Variants in ATP13A4 observed in about 807,000 individuals in gnomAD.
The protein encoded by ATP13A4 is probable cation-transporting ATPase 13A4.
Under a neutral mutation model 142.5 loss-of-function variants are expected in ATP13A4, and 114 were observed. The observed-to-expected ratio is 0.80, with a 90% CI of 0.69 to 0.93. The LOEUF (loss-of-function observed/expected upper bound fraction) is 0.93, where lower values mean the gene tolerates loss of function less well. Among genes scored for constraint, ATP13A4 ranks in the 40% least tolerant of loss-of-function variants. The pLI, the probability that ATP13A4 is intolerant of heterozygous loss-of-function variation, is 0.00. For synonymous variants in ATP13A4, 488 were observed against 514.8 expected, an observed-to-expected ratio of 0.95 and a Z score of 0.70; for missense variants, 1,392 against 1,454.0, an observed-to-expected ratio of 0.96 and a Z score of 0.69.
In ATP13A4 at chr3:193,582,640, AT is replaced by A. The variant is rs1177556388; in HGVS notation, n.92-735del. ...TATATATGTATATTACATACATTAT[AT>A]ATGTATATTACATACATTATATATG... On this transcript the variant is annotated intron_variant and non_coding_transcript_variant, in intron 1 of 3. Coordinates refer to the ATP13A4 transcript ENST00000489140. Among the ~76,000 whole-genome samples, 14 of 86,378 alleles carry A rather than the reference AT, an allele frequency of 1.6e-4. 1 individual carries two copies. The highest frequency in any genetic ancestry group is 6.8e-4 in the African/African-American group (12 of 17,726). The allele number at this position is 86,378 out of a possible 152,430, so 56.7% of individuals were successfully genotyped here.
intron 8 of ATP13A4, among the ~76,000 whole-genome samples, chr3:193,475,524 GAATA>G (rs1206629994): frequency 7.2e-5 from 11 of 151,834 alleles, no homozygotes; most frequent in African/African-American, 2.7e-4. Flanking sequence ...TTAAATGTAA[GAATA>G]AATAAAAACC....
At chr3:193,573,290 C>CTTATATAT in intron 2 of ATP13A4, among the ~76,000 whole-genome samples, 1 of 109,964 alleles carries the variant, frequency 9.1e-6, no homozygotes, top group South Asian at 2.7e-4. Context: ...TATATATATA[C>CTTATATAT]ACATATATAT....
At chr3:193,406,764 T>A (rs1020975952) in intron 29 of ATP13A4, among the ~76,000 whole-genome samples, 36 of 152,208 alleles carry the variant, frequency 2.4e-4, no homozygotes, top group Admixed American at 2.1e-3. Flanking sequence ...CCACATATTG[T>A]ATGGTTTCAC....
At chr3:193,534,000 C>A (rs1722463995) in intron 1 of ATP13A4, among the ~76,000 whole-genome samples, 1 of 152,206 alleles carries the variant, frequency 6.6e-6, no homozygotes, top group Non-Finnish European at 1.5e-5. Context: ...ACTTTCCTAA[C>A]TACCCCCTTT....
chr3:193,441,644 C>G, intron 19 of ATP13A4, 56 bp from the exon 20 acceptor site: 1 of 1,586,608 alleles, frequency 6.3e-7, no homozygotes, highest in Non-Finnish European at 8.6e-7. Context: ...GTGGTTAGAA[C>G]CATAAGCATA....
At chr3:193,555,024 TC>T, upstream of ATP13A4, 1 of 1,100,492 alleles carries the variant, frequency 9.1e-7, no homozygotes, top group South Asian at 1.6e-5. Flanking sequence ...TGCTGGCTGC[TC>T]CCTGCTTATT....
At chr3:193,465,431 A>G (rs911384138) in intron 11 of ATP13A4, among the ~76,000 whole-genome samples, 7 of 152,196 alleles carry the variant, frequency 4.6e-5, no homozygotes, top group Admixed American at 4.6e-4. Context: ...CAGGTGATCC[A>G]CCTGCCTTGG....
intron 6 of ATP13A4, 95 bp downstream of exon 6, chr3:193,491,234 G>T: frequency 1.1e-6 from 1 of 908,918 alleles, no homozygotes; most frequent in Non-Finnish European, 1.8e-6. Context: ...TCTATGTGAA[G>T]TTACTTATTA....
At chr3:193,496,902 T>C (rs1004303039) in intron 3 of ATP13A4, among the ~76,000 whole-genome samples, 1 of 152,024 alleles carries the variant, frequency 6.6e-6, no homozygotes, top group Admixed American at 6.5e-5. Flanking sequence ...TATCTTACCA[T>C]ACACAAAACT....
chr3:193,590,689 A>G (rs1459222641), intron 1 of ATP13A4, among the ~76,000 whole-genome samples: 1 of 152,260 alleles, frequency 6.6e-6, no homozygotes, highest in Non-Finnish European at 1.5e-5. Context: ...AAGTCCAGGA[A>G]TGAGCAAGGA....
chr3:193,502,382 A>G (rs1720598118), intron 3 of ATP13A4, 111 bp downstream of exon 3: 2 of 1,297,724 alleles, frequency 1.5e-6, no homozygotes, highest in Non-Finnish European at 2.2e-6. Context: ...CATTTTAAAT[A>G]TACACTATCA....
At chr3:193,530,276 C>T (rs1351736847) in intron 1 of ATP13A4, among the ~76,000 whole-genome samples, 2 of 151,420 alleles carry the variant, frequency 1.3e-5, no homozygotes, top group African/African-American at 4.9e-5. Context: ...TACTTTTTCT[C>T]CTAGGGAAAA....
chr3:193,528,168 C>T (rs572684193), intron 1 of ATP13A4, among the ~76,000 whole-genome samples: 2 of 152,174 alleles, frequency 1.3e-5, no homozygotes, highest in East Asian at 1.9e-4. Flanking sequence ...ACTGTCAGAG[C>T]GTCCTCTGGG....
intron 2 of ATP13A4, among the ~76,000 whole-genome samples, chr3:193,511,810 G>T (rs1721155191): frequency 1.3e-5 from 2 of 151,664 alleles, no homozygotes; most frequent in Admixed American, 6.6e-5. Flanking sequence ...TGAAATTGAG[G>T]TCCTAAAAAG....
At chr3:193,517,636 A>G (rs1355956483) in intron 1 of ATP13A4, among the ~76,000 whole-genome samples, 3 of 151,792 alleles carry the variant, frequency 2.0e-5, no homozygotes, top group South Asian at 2.1e-4. Flanking sequence ...GCCCGCCACC[A>G]CGCCCGGCTA....
In ATP13A4 at chr3:193,496,759, C is replaced by T. The variant is rs145987087; in HGVS notation, c.382-3599G>A. Among the ~76,000 whole-genome samples the T allele has an allele frequency of 2.0e-4, 30 of 151,742 alleles. No individual in the cohort carries two copies. The East Asian group carries it at 5.8e-3, about 29-fold the overall frequency. ...TAAGCCGAGATCGTGCCACTGCACC[C>T]CAGCCTGGGAGACAGGGCACGACTC... is the stretch of plus-strand genomic sequence containing the variant. On this transcript the variant is annotated intron_variant, in intron 3 of 29. Transcript: ENST00000342695.
chr3:193,413,098 G>A (rs1423633622), intron 26 of ATP13A4, among the ~76,000 whole-genome samples: 2 of 152,090 alleles, frequency 1.3e-5, no homozygotes, highest in Admixed American at 1.3e-4. Flanking sequence ...CTCTGGCAGA[G>A]GAACATAAAT....
chr3:193,457,914 A>AT (rs1174679853), intron 14 of ATP13A4, among the ~76,000 whole-genome samples: 1 of 152,198 alleles, frequency 6.6e-6, no homozygotes, highest in Non-Finnish European at 1.5e-5. Context: ...AGAGACTGTG[A>AT]TATACATGGT....
rs993478883 is a variant in ATP13A4, at chr3:193,401,931, T to C, written c.*721A>G. 6.6e-6 allele frequency: 1 copy of C among 152,282 alleles called. No homozygotes were observed. The highest frequency in any genetic ancestry group is 1.5e-5 in the Non-Finnish European group (1 of 68,116). The allele number at this position is 152,282 out of a possible 1,614,324, so 9.4% of individuals were successfully genotyped here. A position where few individuals can be genotyped will look rare whatever the true frequency, so the allele number is the denominator to read the frequency against. The stretch of plus-strand genomic sequence containing the variant: ...TGAAGAGCCCACACGTGATCTCCAG[T>C]CTATTCCTTCCCCCATCACAGTCAA... On this transcript the variant is annotated 3_prime_UTR_variant, in exon 30 of 30. Transcript: ENST00000342695.
Sources: allele counts gnomAD v4.1 joint callset (sites outside exome capture counted in the v4.1 genomes callset), GRCh38; gene constraint gnomAD v4.1.1; transcripts MANE v1.5; gene names NCBI Gene and HGNC (gene_info 2026-07-23, HGNC 2026-07-21).